KRT86: variants seen among roughly 807,000 people sequenced by gnomAD.
KRT86 encodes keratin 86, also known as keratin, type II cuticular Hb6.
Under a neutral mutation model 41.2 loss-of-function variants are expected in KRT86, and 30 were observed. The ratio of observed to expected loss-of-function variants is 0.73; its 90% confidence interval spans 0.54 to 0.99. The LOEUF is 0.99. KRT86 is among the 50% of genes least tolerant of loss of function. The pLI is 0.00. For synonymous variants in KRT86, 238 were observed against 238.1 expected, an observed-to-expected ratio of 1.00 and a Z score of 0.00; for missense variants, 561 against 571.4, an observed-to-expected ratio of 0.98 and a Z score of 0.19.
Position 52,306,219 on chromosome 12 carries a change from A to G in KRT86, c.1186A>G (p.Lys396Glu). The G allele has an allele frequency of 6.2e-7, 1 of 1,613,766 alleles. No individual in the cohort carries two copies. The highest frequency in any genetic ancestry group is 8.5e-7 in the Non-Finnish European group (1 of 1,180,020). Reference protein sequence around the residue: ...IREYQEVMNSKLGLDIEIATY... With the variant: ...IREYQEVMNSELGLDIEIATY... ...GGAGTACCAGGAGGTGATGAACTCC[A>G]AGCTGGGCCTGGACATCGAGATCGC... The change falls in exon 9 of 11, where the codon AAG (lysine) becomes GAG (glutamate). Residue 396 changes from lysine to glutamate, a missense_variant. Lys to Glu is a moderately conservative substitution (Grantham distance 56). This residue lies in a region of KRT86 where 397 missense variants were observed against 375.9 expected (regional missense o/e 1.06). Transcript: ENST00000423955.
chr12:52,278,086 T>C (rs1461926245), intron 2 of KRT86, among the ~76,000 whole-genome samples: 1 of 152,024 alleles, frequency 6.6e-6, no homozygotes, highest in Non-Finnish European at 1.5e-5. Context: ...TCCCCAGGCC[T>C]GGGGAAGGTG....
intron 2 of KRT86, among the ~76,000 whole-genome samples, chr12:52,296,664 C>CT (rs1938258665): frequency 2.8e-5 from 1 of 35,646 alleles, no homozygotes; most frequent in Admixed American, 1.9e-4. Flanking sequence ...CTGACTTGGG[C>CT]TCTCCCCAAT....
At chr12:52,308,324 G>A (rs1565751476) in intron 10 of KRT86, 60 bp downstream of exon 10, 3 of 1,613,470 alleles carry the variant, frequency 1.9e-6, no homozygotes, top group Middle Eastern at 1.7e-4. Flanking sequence ...TCTGGGCAAA[G>A]GGCGCGTGGG....
At chr12:52,287,732 T>G in intron 2 of KRT86, 2 of 1,614,030 alleles carry the variant, frequency 1.2e-6, no homozygotes, top group Non-Finnish European at 1.7e-6. Context: ...CTGGGGGAAG[T>G]AGAGATGCTC....
rs537910704 is a variant in KRT86 at position 52,298,515 on chromosome 12, G to GCAA, written c.-4-3384_-4-3382dup. ...TACGTCTGCAGCAGCAGCATCAGCA[G>GCAA]CAACAACAACAACAACTAATATGAT... On this transcript the variant is annotated intron_variant, in intron 2 of 10. Transcript: ENST00000423955. Among the ~76,000 whole-genome samples the GCAA allele has an allele frequency of 5.6e-3, 855 of 152,304 alleles. 5 individuals carry two copies. Among genetic ancestry groups the GCAA allele is most frequent in the Non-Finnish European group, 7.8e-3 (531 of 68,036 alleles).
At chr12:52,298,422 G>T (rs1938297467) in intron 2 of KRT86, among the ~76,000 whole-genome samples, 1 of 152,188 alleles carries the variant, frequency 6.6e-6, no homozygotes, top group Non-Finnish European at 1.5e-5. Flanking sequence ...TTAAGATAAG[G>T]CGGTTAATGA....
At chr12:52,280,009 C>A (rs570627881) in intron 2 of KRT86, among the ~76,000 whole-genome samples, 1 of 152,222 alleles carries the variant, frequency 6.6e-6, no homozygotes, top group African/African-American at 2.4e-5. Context: ...GGGGATTGGG[C>A]CAGTGCCTTC....
intron 9 of KRT86, 150 bp downstream of exon 9, chr12:52,306,430 C>A: frequency 3.2e-6 from 4 of 1,255,642 alleles, no homozygotes; most frequent in South Asian, 1.4e-5. Context: ...TAAGTATGAT[C>A]TAGCCCCGTT....
chr12:52,285,894 G>T, intron 2 of KRT86: 1 of 352,468 alleles, frequency 2.8e-6, no homozygotes, highest in South Asian at 2.6e-5. Context: ...GGGTAATAGA[G>T]ACACACACAA....
At position 52,306,127 on chromosome 12, in the gene KRT86, G is replaced by T; in HGVS notation, c.1094G>T (p.Arg365Leu). ...QQGEAALSDARCKLAELEGAL... is the reference protein window; with the variant it reads ...QQGEAALSDALCKLAELEGAL... ...GGTGAGGCGGCCCTCAGCGATGCCC[G>T]CTGCAAGTTGGCCGAGCTGGAGGGT... The change falls in exon 9 of 11, where the codon CGC becomes CTC. Residue 365 changes from arginine (R) to leucine (L), a missense_variant. Physicochemically the swap from Arg to Leu is moderately radical, Grantham distance 102 (BLOSUM62 -2). This residue lies in a region of KRT86 where 397 missense variants were observed against 375.9 expected (regional missense o/e 1.06). Coordinates refer to ENST00000423955, the MANE Select transcript of KRT86 (RefSeq NM_001320198.2). 6.2e-7 allele frequency: 1 copy of T among 1,614,010 alleles called. No individual in the cohort carries two copies.
intron 2 of KRT86, among the ~76,000 whole-genome samples, chr12:52,279,414 G>C (rs923204924): frequency 6.6e-6 from 1 of 152,232 alleles, no homozygotes; most frequent in African/African-American, 2.4e-5. Context: ...CCCCAGTGCA[G>C]ATGGCCTGGA....
rs1137015 is a variant in KRT86, at chr12:52,308,897, C to T, written c.*312C>T. 57,801 of 387,210 alleles carry T rather than the reference C, an allele frequency of 0.15. 4,818 individuals carry two copies. The highest frequency in any genetic ancestry group is 0.23 in the South Asian group (9,201 of 39,634). 24.0% of individuals were successfully genotyped at this position (387,210 alleles called of 1,614,324 possible). ...ACATTGGTCTTGCCTGAGCTCTTCC[C>T]CAAAGCTTGGAGGAACGGGGGAGGC... On this transcript the variant is annotated 3_prime_UTR_variant, in exon 11 of 11. Transcript: ENST00000423955.
chr12:52,298,319 T>A (rs1938294655), intron 2 of KRT86, among the ~76,000 whole-genome samples: 1 of 152,254 alleles, frequency 6.6e-6, no homozygotes, highest in Non-Finnish European at 1.5e-5. Context: ...CACTGTAGAA[T>A]ATAGTAGATA....
chr12:52,308,428 TTG>T lies in KRT86; in HGVS notation c.1306_1307del (p.Val436LeufsTer19). 6 of 1,611,966 alleles carry T rather than the reference TTG, an allele frequency of 3.7e-6. No individual in the cohort carries two copies. The highest frequency in any genetic ancestry group is 5.1e-6 in the Non-Finnish European group (6 of 1,179,698). On this transcript the variant is annotated frameshift_variant, in exon 11 of 11. Transcript: ENST00000423955. LOFTEE classifies it high-confidence loss of function. ...GGCGTCAGCAGCTCCCGCGGTGGCGTTGTCTGTGGCGATCTCTGCGCCTCCAC... is the reference window on the plus strand; with the variant it reads ...GGCGTCAGCAGCTCCCGCGGTGGCGTTCTGTGGCGATCTCTGCGCCTCCAC...
At chr12:52,294,425 T>A (rs945270076) in intron 2 of KRT86, among the ~76,000 whole-genome samples, 1 of 151,744 alleles carries the variant, frequency 6.6e-6, no homozygotes, top group Non-Finnish European at 1.5e-5. Flanking sequence ...TTTGAAGACC[T>A]AAAAGGACAT....
intron 2 of KRT86, among the ~76,000 whole-genome samples, chr12:52,277,238 T>C (rs185061160): frequency 1.9e-4 from 29 of 152,232 alleles, no homozygotes; most frequent in African/African-American, 6.5e-4. Flanking sequence ...AGTTTCTCCA[T>C]ACTAGACGTA....
chr12:52,282,236 A>ATT lies in KRT86; in HGVS notation c.-5+6303_-5+6304dup, dbSNP rs11376852. 3.3e-3 allele frequency among the ~76,000 whole-genome samples: 475 copies of ATT among 145,664 alleles called. 8 individuals are homozygous for ATT. The highest frequency in any genetic ancestry group is 4.6e-3 in the Admixed American group (67 of 14,710). ...GAAGGTTTTTGAGCCCCCTGAAACA[A>ATT]TTTTTTTTTTTTTTGAGACAAAGCC... On this transcript the variant is annotated intron_variant, in intron 2 of 10. Coordinates refer to ENST00000423955, the MANE Select transcript of KRT86 (RefSeq NM_001320198.2).
At chr12:52,307,251 T>TG (rs1938540191) in intron 9 of KRT86, among the ~76,000 whole-genome samples, 1 of 152,190 alleles carries the variant, frequency 6.6e-6, no homozygotes, top group Non-Finnish European at 1.5e-5. Context: ...TGGCTGGGCC[T>TG]GGGGAATTTC....
Position 52,286,619 on chromosome 12 carries a change from G to A in KRT86, c.-5+10673G>A, listed in dbSNP as rs564218253. The stretch of plus-strand genomic sequence containing the variant: ...AGAAGCATCTTTGTGGACAATTCTA[G>A]GTCCATCTAGTCCAAGAGCTGGGGT... On this transcript the variant is annotated intron_variant, in intron 2 of 10. Transcript: ENST00000423955. 87 of 1,211,668 alleles carry A rather than the reference G, an allele frequency of 7.2e-5. No individual in the cohort carries two copies. The African/African-American group carries it at 1.0e-3, about 14-fold the overall frequency. 75.1% of individuals were successfully genotyped at this position (1,211,668 alleles called of 1,614,324 possible). A position where few individuals can be genotyped will look rare whatever the true frequency, so the allele number is the denominator to read the frequency against.
Sources: gnomAD v4.1 joint callset for allele counts (sites outside exome capture counted in the v4.1 genomes callset) on GRCh38, gnomAD v4.1.1 for gene constraint, gnomAD v4.1.1 regional missense constraint, MANE v1.5 for transcripts, NCBI Gene and HGNC (gene_info 2026-07-23, HGNC 2026-07-21) for gene names.